The following SIDT2 variants were observed in gnomAD, a reference collection of about 807,000 sequenced individuals.
SIDT2 encodes SID1 transmembrane family member 2, also known as SID1 transmembrane family, member 2.
SIDT2 carries 68 observed loss-of-function variants against 114.4 expected under a neutral mutation model. The ratio of observed to expected loss-of-function variants is 0.59; its 90% CI spans 0.49 to 0.73. SIDT2 has a LOEUF of 0.73. Among genes scored for constraint, SIDT2 ranks in the 30% least tolerant of loss-of-function variants. SIDT2 has a pLI of 0.00. For synonymous variants in SIDT2, 470 were observed against 438.4 expected (o/e 1.07, Z -0.90); for missense variants, 918 against 1,097.1 (o/e 0.84, Z 2.31).
Position 117,192,435 on chromosome 11 carries a change from G to T in SIDT2, c.1981+73G>T. 1 of 1,391,532 alleles carries T rather than the reference G, an allele frequency of 7.2e-7. No individual in the cohort carries two copies. Among genetic ancestry groups the T allele is most frequent in the Non-Finnish European group, 1.0e-6 (1 of 987,636 alleles). The allele number at this position is 1,391,532 out of a possible 1,614,324, so 86.2% of individuals were successfully genotyped here. A position where few individuals can be genotyped will look rare whatever the true frequency, so the allele number is the denominator to read the frequency against. ...TTGGGAACCCGGACGCACGGGAGAC[G>T]CTCAGGTTCTGTCTTGGGGGCCCTG... On this transcript the variant is annotated intron_variant, in intron 20 of 25. Coordinates refer to ENST00000324225, the MANE Select transcript of SIDT2 (RefSeq NM_001040455.2). The surrounding 1 kb of genome is among the most constrained non-coding windows in gnomAD (Gnocchi z 5.9).
Position 117,190,360 on chromosome 11 carries a change from C to G in SIDT2, c.1617+71C>G. The G allele has an allele frequency of 6.6e-7, 1 of 1,515,558 alleles. No homozygotes were observed. Among genetic ancestry groups the G allele is most frequent in the Non-Finnish European group, 8.8e-7 (1 of 1,133,736 alleles). 93.9% of individuals were successfully genotyped at this position (1,515,558 alleles called of 1,614,324 possible). On this transcript the variant is annotated intron_variant, in intron 17 of 25. Transcript: ENST00000324225. This position sits in a 1 kb window ranked among gnomAD's most constrained non-coding sequence, Gnocchi z 4.1. ...GACCTCAAGCCTTGGCTCCAGGACA[C>G]CCTTTTGGGCAGGCCTGGCCCTGCC...
Position 117,186,899 on chromosome 11 carries a change from G to A in SIDT2, c.1015+263G>A, listed in dbSNP as rs902837418. 50 of 1,451,078 alleles carry A rather than the reference G, an allele frequency of 3.4e-5. 1 individual carries two copies. In the East Asian group the frequency reaches 3.8e-4, roughly 11 times the overall value. 89.9% of individuals were successfully genotyped at this position (1,451,078 alleles called of 1,614,324 possible). A position where few individuals can be genotyped will look rare whatever the true frequency, so the allele number is the denominator to read the frequency against. On this transcript the variant is annotated intron_variant, in intron 10 of 25. Coordinates refer to ENST00000324225, the MANE Select transcript of SIDT2 (RefSeq NM_001040455.2). ...GCCTGCCTTGGGCAGTGTGGCCCAC[G>A]GTCTCTGGGATTATTAACCTTTCCT...
chr11:117,182,822 G>A lies in SIDT2; in HGVS notation c.702+16G>A. On this transcript the variant is annotated intron_variant, in intron 6 of 25. Transcript: ENST00000324225. The stretch of plus-strand genomic sequence containing the variant: ...CACCGTACAGGTAGGAAATGCATGT[G>A]GCCACGTGGGAGGTGTGGCTGGGCG... 1 of 1,610,730 alleles carries A rather than the reference G, an allele frequency of 6.2e-7. No individual in the cohort carries two copies. The highest frequency in any genetic ancestry group is 8.5e-7 in the Non-Finnish European group (1 of 1,178,376).
Position 117,194,018 on chromosome 11 carries a change from T to C in SIDT2, c.2322+55T>C, listed in dbSNP as rs1247977611. 2.1e-6 allele frequency: 3 copies of C among 1,401,400 alleles called. No homozygotes were observed. In the South Asian group the frequency reaches 3.5e-5, roughly 16 times the overall value. The allele number at this position is 1,401,400 out of a possible 1,614,324, so 86.8% of individuals were successfully genotyped here. ...GCCAACAAGTGGCCAGTCCTCTTTT[T>C]AAACATTGGGGCTGAGCCTGGGATT... On this transcript the variant is annotated intron_variant, in intron 24 of 25. Coordinates refer to ENST00000324225, the MANE Select transcript of SIDT2 (RefSeq NM_001040455.2).
At chr11:117,189,775 G>A (rs146970735) in intron 15 of SIDT2, 177 bp from the exon 16 acceptor site, 5 of 640,478 alleles carry the variant, frequency 7.8e-6, no homozygotes, top group African/African-American at 5.4e-5. Context: ...AGGGGACAGC[G>A]ACTGTGCTGC....
chr11:117,192,490 C>A lies in SIDT2; in HGVS notation c.1982-84C>A, dbSNP rs1351262186. Reference sequence around the variant, plus strand: ...CACTGGGTGAGGAATTAGATCAGGCCTGGGCTCCTCAGCTGGCACATCCCA... The same window carrying A: ...CACTGGGTGAGGAATTAGATCAGGCATGGGCTCCTCAGCTGGCACATCCCA... On this transcript the variant is annotated intron_variant, in intron 20 of 25. Coordinates refer to ENST00000324225, the MANE Select transcript of SIDT2 (RefSeq NM_001040455.2). The surrounding 1 kb of genome is among the most constrained non-coding windows in gnomAD (Gnocchi z 5.9). The A allele has an allele frequency of 6.5e-7, 1 of 1,529,378 alleles. No homozygotes were observed. The highest frequency in any genetic ancestry group is 1.4e-5 in the African/African-American group (1 of 73,392). The allele number at this position is 1,529,378 out of a possible 1,614,324, so 94.7% of individuals were successfully genotyped here.
intron 24 of SIDT2, 175 bp downstream of exon 24, chr11:117,194,138 A>C (rs1264627610): frequency 3.8e-6 from 2 of 523,450 alleles, no homozygotes; most frequent in East Asian, 6.5e-5. Flanking sequence ...CCGTCTCTAC[A>C]AAAAATAAAA....
Position 117,188,076 on chromosome 11 carries a change from G to A in SIDT2, c.1159+377G>A. On this transcript the variant is annotated intron_variant, in intron 12 of 25. Coordinates refer to ENST00000324225, the MANE Select transcript of SIDT2 (RefSeq NM_001040455.2). This position sits in a 1 kb window ranked among gnomAD's most constrained non-coding sequence, Gnocchi z 4.0. ...GCTTCCCCATGTAATTCCAGTAATT[G>A]CCCGCTCTTGTGTCTTCTGAGATAG... The A allele has an allele frequency of 2.2e-6, 1 of 456,144 alleles. No homozygotes were observed. The highest frequency in any genetic ancestry group is 1.7e-5 in the South Asian group (1 of 58,382). The allele number at this position is 456,144 out of a possible 1,614,324, so 28.3% of individuals were successfully genotyped here.
At chr11:117,183,674 T>C in intron 6 of SIDT2, 105 bp from the exon 7 acceptor site, 1 of 844,042 alleles carries the variant, frequency 1.2e-6, no homozygotes. Context: ...TTAAGTAAAA[T>C]ATATCTATGA....
In SIDT2 at chr11:117,195,931, G is replaced by A. The variant is rs930558656; in HGVS notation, c.2436+16G>A. ...GTCCTTCCTGGTAAGCGGGCCTCCC[G>A]GCCGAGCCGGGTGGGTACGTGAAGG... is the stretch of plus-strand genomic sequence containing the variant. On this transcript the variant is annotated intron_variant, in intron 25 of 25. Coordinates refer to ENST00000324225, the MANE Select transcript of SIDT2 (RefSeq NM_001040455.2). 6.2e-6 allele frequency: 10 copies of A among 1,614,066 alleles called. No individual in the cohort carries two copies. The East Asian group carries it at 6.7e-5, about 11-fold the overall frequency.
chr11:117,193,157 G>A lies in SIDT2; in HGVS notation c.2110G>A (p.Ala704Thr), dbSNP rs1478899031. The A allele has an allele frequency of 1.2e-6, 2 of 1,614,174 alleles. No individual in the cohort carries two copies. The highest frequency in any genetic ancestry group is 1.7e-6 in the Non-Finnish European group (2 of 1,180,022). The change falls in exon 23 of 26, where the codon GCC becomes ACC. Residue 704 changes from alanine (A) to threonine (T), a missense_variant. Physicochemically the swap from Ala to Thr is moderately conservative, Grantham distance 58. This residue lies in a region of SIDT2 where 275 missense variants were observed against 397.6 expected (regional missense o/e 0.69). Transcript: ENST00000324225. The part of the protein sequence containing the change: ...MGNVINWSLA[A>T]YGLIMRPNDF... ...ACCCTTCATCCCTCTTGCCAGGGCT[G>A]CCTATGGGCTTATCATGCGCCCCAA...
In SIDT2 at chr11:117,192,183, C is replaced by G; in HGVS notation, c.1873-71C>G. The G allele has an allele frequency of 1.3e-6, 2 of 1,484,944 alleles. No individual in the cohort carries two copies. The highest frequency in any genetic ancestry group is 3.4e-5 in the Admixed American group (2 of 59,456). The allele number at this position is 1,484,944 out of a possible 1,614,324, so 92.0% of individuals were successfully genotyped here. A position where few individuals can be genotyped will look rare whatever the true frequency, so the allele number is the denominator to read the frequency against. ...TCCCAGCCTGGCTGAGCAGCCAGCCCCAGGAAGGGTGGGCCATCCGAGCCA... is the reference window on the plus strand; with the variant it reads ...TCCCAGCCTGGCTGAGCAGCCAGCCGCAGGAAGGGTGGGCCATCCGAGCCA... On this transcript the variant is annotated intron_variant, in intron 19 of 25. Transcript: ENST00000324225. This position sits in a 1 kb window ranked among gnomAD's most constrained non-coding sequence, Gnocchi z 5.9.
At chr11:117,185,873 A>AC in intron 8 of SIDT2, 4 of 175,642 alleles carry the variant, frequency 2.3e-5, no homozygotes, top group Non-Finnish European at 4.0e-5. Context: ...GCCCGTCTCA[A>AC]AAAAAAAAAA....
At chr11:117,185,078 C>T (rs1246644370) in intron 8 of SIDT2, among the ~76,000 whole-genome samples, 1 of 141,196 alleles carries the variant, frequency 7.1e-6, no homozygotes. Context: ...GAGATGGAGT[C>T]TTGCTCTGTT....
At chr11:117,187,939 C>G (rs2030561610) in intron 12 of SIDT2, 1 of 677,500 alleles carries the variant, frequency 1.5e-6, no homozygotes, top group Non-Finnish European at 2.7e-6. Flanking sequence ...GATGCGGCAG[C>G]TGTGCATTGC....
In SIDT2 at chr11:117,189,268, C is replaced by CT. The variant is rs1170668191; in HGVS notation, c.1352+27dup. On this transcript the variant is annotated intron_variant, in intron 14 of 25. Coordinates refer to ENST00000324225, the MANE Select transcript of SIDT2 (RefSeq NM_001040455.2). ...GTGAGTGGGCTGAGTGTCTGGGGCT[C>CT]TGCTGTTGGTGGGTGTGTGGCAGCC... The CT allele has an allele frequency of 3.7e-6, 6 of 1,614,164 alleles. No homozygotes were observed. In the Admixed American group the frequency reaches 8.3e-5, roughly 22 times the overall value.
chr11:117,192,148 CCT>C lies in SIDT2; in HGVS notation c.1873-102_1873-101del. ...CTTCCCTGAGATGCCTTCCTGGGCC[CCT>C]CTCAGAGTCCCAGCCTGGCTGAGCA... On this transcript the variant is annotated intron_variant, in intron 19 of 25. Coordinates refer to ENST00000324225, the MANE Select transcript of SIDT2 (RefSeq NM_001040455.2). The surrounding 1 kb of genome is among the most constrained non-coding windows in gnomAD (Gnocchi z 5.9). The C allele has an allele frequency of 1.3e-6, 2 of 1,523,036 alleles. No individual in the cohort carries two copies. Among genetic ancestry groups the C allele is most frequent in the African/African-American group, 1.4e-5 (1 of 73,212 alleles). 94.3% of individuals were successfully genotyped at this position (1,523,036 alleles called of 1,614,324 possible).
At chr11:117,179,491 A>G (rs1000510691) in intron 1 of SIDT2, 45 bp downstream of exon 1, 1 of 1,579,798 alleles carries the variant, frequency 6.3e-7, no homozygotes, top group African/African-American at 1.3e-5. Flanking sequence ...GGGGAAGCCG[A>G]CGAGGGCTAG....
Position 117,188,640 on chromosome 11 carries a change from C to T in SIDT2, c.1160-68C>T. 1 of 1,237,024 alleles carries T rather than the reference C, an allele frequency of 8.1e-7. No homozygotes were observed. Among genetic ancestry groups the T allele is most frequent in the Non-Finnish European group, 1.2e-6 (1 of 837,532 alleles). 76.6% of individuals were successfully genotyped at this position (1,237,024 alleles called of 1,614,324 possible). A position where few individuals can be genotyped will look rare whatever the true frequency, so the allele number is the denominator to read the frequency against. ...TGCCTAATAATTGTTACAATTGCCT[C>T]AGATGGGCGAGGGCCACTGTGGGTT... On this transcript the variant is annotated intron_variant, in intron 12 of 25. Coordinates refer to ENST00000324225, the MANE Select transcript of SIDT2 (RefSeq NM_001040455.2). The surrounding 1 kb of genome is among the most constrained non-coding windows in gnomAD (Gnocchi z 4.0).
Sources: gnomAD v4.1 joint callset for allele counts (sites outside exome capture counted in the v4.1 genomes callset) on GRCh38, gnomAD v4.1.1 for gene constraint, gnomAD v4.1.1 regional missense constraint, Gnocchi (gnomAD v3.1) non-coding constraint, MANE v1.5 for transcripts, NCBI Gene and HGNC (gene_info 2026-07-23, HGNC 2026-07-21) for gene names.